The following CATSPERE variants were observed in gnomAD, a reference collection of about 807,000 sequenced individuals.
CATSPERE encodes the protein catsper channel auxiliary subunit epsilon, also known as cation channel sperm-associated auxiliary subunit epsilon.
Under a neutral mutation model 114.1 loss-of-function variants are expected in CATSPERE, and 93 were observed. That is an observed-to-expected ratio of 0.81 (90% CI 0.69 to 0.97). The LOEUF (loss-of-function observed/expected upper bound fraction) is 0.97. Ranked by LOEUF, CATSPERE falls within the 50% of genes least tolerant of loss-of-function variation. The probability of loss-of-function intolerance (pLI) is 0.00; values close to 1 mark genes in which losing one functional copy is unlikely to be tolerated. For missense variants in CATSPERE, 1,058 were observed against 1,131.6 expected (o/e 0.93, Z 0.93); for synonymous variants, 341 against 384.1 (o/e 0.89, Z 1.31).
rs139309184 is a variant in CATSPERE, at chr1:244,463,934, G to T, written c.92G>T (p.Arg31Leu). Reference protein sequence around the residue: ...WRYSTNSPNYRIFSTRSTIKL... With the variant: ...WRYSTNSPNYLIFSTRSTIKL... ...TATTCCACTAACAGCCCAAACTATC[G>T]CATTTTTAGTACCAGAAGTACTGTA... Residue 31 changes from arginine to leucine, a missense_variant, in exon 2 of 22, where the codon CGC (arginine) becomes CTC (leucine). Arg to Leu is a moderately radical substitution (Grantham distance 102). Coordinates refer to ENST00000366534, the MANE Select transcript of CATSPERE (RefSeq NM_001130957.2). 1.2e-6 allele frequency: 2 copies of T among 1,602,332 alleles called. No homozygotes were observed. The highest frequency in any genetic ancestry group is 1.7e-6 in the Non-Finnish European group (2 of 1,169,702).
At chr1:244,484,473 C>T (rs1406309038) in intron 5 of CATSPERE, among the ~76,000 whole-genome samples, 2 of 152,192 alleles carry the variant, frequency 1.3e-5, no homozygotes, top group Non-Finnish European at 2.9e-5. Context: ...CAAAGTGATA[C>T]AACCATGTAG....
chr1:244,619,858 A>G (rs1208820293), intron 20 of CATSPERE, among the ~76,000 whole-genome samples: 2 of 152,212 alleles, frequency 1.3e-5, no homozygotes, highest in Non-Finnish European at 2.9e-5. Context: ...TATGCACCCA[A>G]CAAAAAGCCA....
Position 244,476,967 on chromosome 1 carries a change from CCTT to C in CATSPERE, c.115-570_115-568del, listed in dbSNP as rs1370708558. Among the ~76,000 whole-genome samples the C allele has an allele frequency of 3.3e-5, 5 of 152,022 alleles. No individual in the cohort carries two copies. In the South Asian group the frequency reaches 6.2e-4, roughly 19 times the overall value. Reference sequence around the variant, plus strand: ...CTCAGAACCTACCAGAGTGTCAGTCCCTTCTTAGATACTTAATAGATTATTTCT... The same window carrying C: ...CTCAGAACCTACCAGAGTGTCAGTCCCTTAGATACTTAATAGATTATTTCT... On this transcript the variant is annotated intron_variant, in intron 2 of 21. Transcript: ENST00000366534.
Position 244,482,906 on chromosome 1 carries a change from G to A in CATSPERE, c.326+3122G>A, listed in dbSNP as rs143921948. On this transcript the variant is annotated intron_variant, in intron 5 of 21. Coordinates refer to ENST00000366534, the MANE Select transcript of CATSPERE (RefSeq NM_001130957.2). ...TGATTATAATAAATTGTTTAGTTTTGTCAGTTCTTGAACATTGTTTAAATT... is the reference window on the plus strand; with the variant it reads ...TGATTATAATAAATTGTTTAGTTTTATCAGTTCTTGAACATTGTTTAAATT... Among the ~76,000 whole-genome samples the A allele has an allele frequency of 5.7e-3, 863 of 152,098 alleles. 7 individuals are homozygous for A. Among genetic ancestry groups the A allele is most frequent in the Non-Finnish European group, 9.3e-3 (629 of 67,972 alleles).
chr1:244,610,117 AC>A, intron 18 of CATSPERE, 122 bp from the exon 19 acceptor site: 2 of 631,284 alleles, frequency 3.2e-6, no homozygotes, highest in Non-Finnish European at 5.5e-6. Flanking sequence ...ATACCAGCCA[AC>A]ATTTAAATAA....
chr1:244,578,990 C>A (rs7546679), intron 11 of CATSPERE, among the ~76,000 whole-genome samples: 120,251 of 151,226 alleles, frequency 0.8, 49,531 homozygotes, highest in Middle Eastern at 0.94. Flanking sequence ...CCTTCCACAG[C>A]ATCACTAGTG....
chr1:244,638,451 G>T (rs961398517), intron 21 of CATSPERE, among the ~76,000 whole-genome samples: 1 of 152,096 alleles, frequency 6.6e-6, no homozygotes, highest in African/African-American at 2.4e-5. Flanking sequence ...TTAAATGTTG[G>T]CCTCCCCTGA....
At chr1:244,584,878 G>A (rs1412797471) in intron 13 of CATSPERE, among the ~76,000 whole-genome samples, 1 of 152,114 alleles carries the variant, frequency 6.6e-6, no homozygotes, top group Non-Finnish European at 1.5e-5. Context: ...GCCTGCAGGT[G>A]CACACCAACA....
intron 13 of CATSPERE, among the ~76,000 whole-genome samples, chr1:244,587,878 C>T (rs1667213339): frequency 6.6e-6 from 1 of 152,112 alleles, no homozygotes; most frequent in Admixed American, 6.5e-5. Flanking sequence ...ATTTGATAGT[C>T]ATGGTTGTAG....
intron 15 of CATSPERE, among the ~76,000 whole-genome samples, chr1:244,592,115 G>A (rs761824539): frequency 8.3e-4 from 126 of 152,098 alleles, no homozygotes; most frequent in Non-Finnish European, 1.0e-3. Context: ...TTGGGAGGCC[G>A]AGGCAGGTGG....
At chr1:244,526,650 CTT>C (rs1330027997) in intron 8 of CATSPERE, among the ~76,000 whole-genome samples, 196 of 134,350 alleles carry the variant, frequency 1.5e-3, no homozygotes, top group African/African-American at 4.1e-3. Flanking sequence ...TAGTCTTTTT[CTT>C]TTTTTTTTTT....
At chr1:244,508,456 A>T (rs1261873990) in intron 7 of CATSPERE, among the ~76,000 whole-genome samples, 2 of 150,824 alleles carry the variant, frequency 1.3e-5, no homozygotes, top group Admixed American at 6.6e-5. Flanking sequence ...ACCCGCCACC[A>T]CGCCCAGCTA....
At chr1:244,599,462 A>G (rs1478483413) in intron 17 of CATSPERE, among the ~76,000 whole-genome samples, 2 of 152,240 alleles carry the variant, frequency 1.3e-5, no homozygotes, top group African/African-American at 4.8e-5. Flanking sequence ...AACAAAGCCT[A>G]TTGGGTCTAT....
intron 12 of CATSPERE, among the ~76,000 whole-genome samples, chr1:244,583,222 A>G (rs1666497870): frequency 6.6e-6 from 1 of 151,586 alleles, no homozygotes; most frequent in Non-Finnish European, 1.5e-5. Flanking sequence ...TTTTTTTTTG[A>G]CAAAAAAAAC....
intron 11 of CATSPERE, among the ~76,000 whole-genome samples, chr1:244,578,843 T>C (rs7515546): frequency 0.099 from 13,821 of 139,490 alleles, 1,029 homozygotes; most frequent in East Asian, 0.36. Flanking sequence ...TATATATATA[T>C]ACACACACAC....
At chr1:244,631,483 C>T (rs1673936888) in intron 20 of CATSPERE, among the ~76,000 whole-genome samples, 1 of 152,130 alleles carries the variant, frequency 6.6e-6, no homozygotes, top group African/African-American at 2.4e-5. Flanking sequence ...AAAACTTCTG[C>T]TCTGTGAAAG....
chr1:244,542,819 C>T (rs1659071968), intron 8 of CATSPERE, among the ~76,000 whole-genome samples: 1 of 152,036 alleles, frequency 6.6e-6, no homozygotes, highest in African/African-American at 2.4e-5. Flanking sequence ...CAGCCCTGCC[C>T]AACTACAGAT....
intron 9 of CATSPERE, among the ~76,000 whole-genome samples, chr1:244,553,642 CACAT>C (rs1553356238): frequency 2.2e-4 from 29 of 130,480 alleles, no homozygotes; most frequent in South Asian, 4.5e-4. Flanking sequence ...CACACACACA[CACAT>C]ACATATATAT....
intron 7 of CATSPERE, among the ~76,000 whole-genome samples, chr1:244,502,227 A>G (rs1674157240): frequency 6.6e-6 from 1 of 152,292 alleles, no homozygotes; most frequent in Non-Finnish European, 1.5e-5. Flanking sequence ...TGATATAGCT[A>G]AACCAGATTT....
Sources: gnomAD v4.1 joint callset for allele counts (sites outside exome capture counted in the v4.1 genomes callset) on GRCh38, gnomAD v4.1.1 for gene constraint, MANE v1.5 for transcripts, NCBI Gene and HGNC (gene_info 2026-07-23, HGNC 2026-07-21) for gene names.